MED24: variants seen among roughly 807,000 people sequenced by gnomAD.
MED24 encodes the protein mediator complex subunit 24.
A neutral mutation model predicts 118.8 loss-of-function variants in MED24; 74 were observed. The ratio of observed to expected loss-of-function variants is 0.62; its 90% CI spans 0.52 to 0.76. The LOEUF (loss-of-function observed/expected upper bound fraction) is 0.76. Among genes scored for constraint, MED24 ranks in the 30% least tolerant of loss-of-function variants. MED24 has a pLI of 0.00. For missense variants in MED24, 1,041 were observed against 1,278.9 expected (o/e 0.81, Z 2.84); for synonymous variants, 521 against 523.9 (o/e 0.99, Z 0.08).
chr17:40,020,103 G>GCCCC (rs2144849160), intron 24 of MED24, 170 bp from the exon 25 acceptor site: 2 of 745,204 alleles, frequency 2.7e-6, no homozygotes, highest in Non-Finnish European at 4.4e-6. Context: ...GGGGAGGAGG[G>GCCCC]GGAACTAGAC....
chr17:40,041,641 T>C (rs558898644), intron 3 of MED24, among the ~76,000 whole-genome samples: 1 of 152,150 alleles, frequency 6.6e-6, no homozygotes, highest in South Asian at 2.1e-4. Flanking sequence ...CCAACCCTAC[T>C]CTGCTCTTCC....
chr17:40,034,114 C>T (rs1158006270), intron 6 of MED24, among the ~76,000 whole-genome samples: 2 of 152,120 alleles, frequency 1.3e-5, no homozygotes, highest in Admixed American at 6.6e-5. Context: ...ATCCTAGTTA[C>T]AATTCCAGAG....
chr17:40,020,156 G>A, intron 24 of MED24, 117 bp downstream of exon 24: 1 of 1,116,954 alleles, frequency 9.0e-7, no homozygotes, highest in Non-Finnish European at 1.3e-6. Flanking sequence ...GGGGCATGGA[G>A]AGGGAAGGGA....
chr17:40,036,081 TC>T (rs760708401), intron 4 of MED24, 34 bp downstream of exon 4: 11 of 1,596,944 alleles, frequency 6.9e-6, no homozygotes, highest in Non-Finnish European at 2.6e-6. Context: ...TTGTCTGTCA[TC>T]CCCAATCTAG....
chr17:40,044,656 C>T (rs999696715), intron 3 of MED24, among the ~76,000 whole-genome samples: 9 of 151,874 alleles, frequency 5.9e-5, no homozygotes, highest in Non-Finnish European at 1.0e-4. Flanking sequence ...CCGAGGTGGG[C>T]GGATCACGAG....
rs775765230 is a variant in MED24, at chr17:40,022,712, G to A, written c.2365C>T (p.Pro789Ser). The A allele has an allele frequency of 2.9e-5, 46 of 1,613,844 alleles. No homozygotes were observed. Among genetic ancestry groups the A allele is most frequent in the Non-Finnish European group, 3.8e-5 (45 of 1,180,000 alleles). Reference protein sequence around the residue: ...VTLVLLGHILPGLLTDSSKWH... With the variant: ...VTLVLLGHILSGLLTDSSKWH... ...TTGGAGGAGTCAGTGAGCAGGCCAG[G>A]TAGGATGTGGCCCAGCAGGACCAGG... is the stretch of plus-strand genomic sequence containing the variant. The change falls in exon 21 of 26, where the codon CCT becomes TCT. Residue 789 changes from proline (P) to serine (S), a missense_variant. Coordinates refer to ENST00000394128, the MANE Select transcript of MED24 (RefSeq NM_014815.4).
In MED24 at chr17:40,033,067, T is replaced by TCACCATCGTCAGCTGCTC. The variant is rs763724510; in HGVS notation, c.793_810dup (p.Glu265_Val270dup). On this transcript the variant is annotated inframe_insertion, in exon 8 of 26. Coordinates refer to ENST00000394128, the MANE Select transcript of MED24 (RefSeq NM_014815.4). This position sits in a 1 kb window ranked among gnomAD's most constrained non-coding sequence, Gnocchi z 5.2. ...TCGGCCCCTCCCACCTGCATGCGCTTCACCATCGTCAGCTGCTCCACCAGG... is the reference window on the plus strand; with the variant it reads ...TCGGCCCCTCCCACCTGCATGCGCTTCACCATCGTCAGCTGCTCCACCATCGTCAGCTGCTCCACCAGG... 1.9e-6 allele frequency: 3 copies of TCACCATCGTCAGCTGCTC among 1,613,964 alleles called. No homozygotes were observed. The highest frequency in any genetic ancestry group is 4.5e-5 in the East Asian group (2 of 44,876).
chr17:40,031,450 A>G, intron 11 of MED24, 88 bp downstream of exon 11: 2 of 1,377,128 alleles, frequency 1.5e-6, no homozygotes, highest in Non-Finnish European at 1.0e-6. Context: ...AAGGAGACAG[A>G]GTCCCCTGAG....
chr17:40,019,928 G>A lies in MED24; in HGVS notation c.2710C>T (p.Leu904=), dbSNP rs998957477. ...AGGATGGAGGAGATGAGCAGGAACA[G>A]GTTGGCTGTAGAGAGTGGGGGGAGA... ...RDPLNRVLAN[L]FLLISSILGS... is the part of the protein sequence containing the mutation. Residue 904 remains leucine (L), a synonymous_variant, in exon 25 of 26, where the codon CTG becomes TTG. Transcript: ENST00000394128. 4 of 1,564,276 alleles carry A rather than the reference G, an allele frequency of 2.6e-6. No individual in the cohort carries two copies. The highest frequency in any genetic ancestry group is 1.2e-5 in the South Asian group (1 of 85,100).
At chr17:40,036,921 C>T (rs990507607) in intron 3 of MED24, among the ~76,000 whole-genome samples, 6 of 151,984 alleles carry the variant, frequency 3.9e-5, no homozygotes, top group Admixed American at 1.3e-4. Context: ...TGGTGGCTCA[C>T]GTTTGTAATC....
At chr17:40,024,738 T>C (rs548941417) in intron 19 of MED24, among the ~76,000 whole-genome samples, 6 of 152,178 alleles carry the variant, frequency 3.9e-5, no homozygotes, top group Non-Finnish European at 5.9e-5. Flanking sequence ...TTTCTTTTGT[T>C]TTTGTTTTGT....
chr17:40,025,262 C>G (rs1982509045), intron 19 of MED24, among the ~76,000 whole-genome samples: 1 of 152,148 alleles, frequency 6.6e-6, no homozygotes, highest in Admixed American at 6.5e-5. Context: ...GAGAGGATCA[C>G]TCAAGGCCAG....
At position 40,033,008 on chromosome 17, in the gene MED24, A is replaced by G. The variant is rs761358012; in HGVS notation, c.822+48T>C. 11 of 1,608,164 alleles carry G rather than the reference A, an allele frequency of 6.8e-6. No individual in the cohort carries two copies. The highest frequency in any genetic ancestry group is 6.7e-5 in the East Asian group (3 of 44,760). ...AGAAGAATCCTCCCTCCTGCCCCCA[A>G]CAGGCTGGCCTGCCTTGGAGAAGGG... On this transcript the variant is annotated intron_variant, in intron 8 of 25. Coordinates refer to ENST00000394128, the MANE Select transcript of MED24 (RefSeq NM_014815.4). The surrounding 1 kb of genome is among the most constrained non-coding windows in gnomAD (Gnocchi z 5.2).
At chr17:40,031,485 G>A in intron 11 of MED24, 53 bp downstream of exon 11, 2 of 1,526,134 alleles carry the variant, frequency 1.3e-6, no homozygotes, top group East Asian at 4.5e-5. Flanking sequence ...GAGATCAGGG[G>A]AAGAGCCCAG....
chr17:40,020,763 C>T (rs909549872), intron 23 of MED24: 8 of 323,406 alleles, frequency 2.5e-5, no homozygotes, highest in Admixed American at 4.4e-5. Flanking sequence ...GCCTGAGCAA[C>T]AGAGCAAAAC....
In MED24 at chr17:40,033,655, A is replaced by G. The variant is rs564066932; in HGVS notation, c.560-199T>C. The stretch of plus-strand genomic sequence containing the variant: ...GGGGGGTGGGCACCTAGAGCTGGAA[A>G]CCCCAGAGACCATTCCCAAAAGCCT... On this transcript the variant is annotated intron_variant, in intron 6 of 25. Coordinates refer to ENST00000394128, the MANE Select transcript of MED24 (RefSeq NM_014815.4). The surrounding 1 kb of genome is among the most constrained non-coding windows in gnomAD (Gnocchi z 5.2). The G allele has an allele frequency of 2.8e-5, 19 of 688,642 alleles. 1 individual carries two copies. The highest frequency in any genetic ancestry group is 2.7e-4 in the South Asian group (18 of 66,584). 42.7% of individuals were successfully genotyped at this position (688,642 alleles called of 1,614,324 possible).
rs1982143722 is a variant in MED24 at position 40,022,439 on chromosome 17, T to C, written c.2478A>G (p.Gly826=). 1 of 1,610,840 alleles carries C rather than the reference T, an allele frequency of 6.2e-7. No individual in the cohort carries two copies. Among genetic ancestry groups the C allele is most frequent in the African/African-American group, 1.3e-5 (1 of 74,982 alleles). Residue 826 remains glycine (G), a synonymous_variant, in exon 22 of 26, where the codon GGA becomes GGG. Coordinates refer to ENST00000394128, the MANE Select transcript of MED24 (RefSeq NM_014815.4). ...CALSSYSSHK[G]QASTRQKKRH... ...TCTTCTTCTGGCGGGTGGACGCCTG[T>C]CCCTTGTGGGAGGAGTAGGAACTGA...
chr17:40,027,404 C>CA lies in MED24; in HGVS notation c.1508dup (p.Ala504GlyfsTer18), dbSNP rs1982804196. Reference sequence around the variant, plus strand: ...TCACCTCTGAACCATAGGTCTGGGCCACATGGCACAGCATGAGGAAGGAGA... The same window carrying CA: ...TCACCTCTGAACCATAGGTCTGGGCCAACATGGCACAGCATGAGGAAGGAGA... On this transcript the variant is annotated frameshift_variant, in exon 16 of 26. Transcript: ENST00000394128. LOFTEE classifies it high-confidence loss of function. 6.2e-7 allele frequency: 1 copy of CA among 1,613,642 alleles called. No homozygotes were observed. The highest frequency in any genetic ancestry group is 1.3e-5 in the African/African-American group (1 of 74,922).
chr17:40,022,032 A>AG lies in MED24; in HGVS notation c.2545dup (p.Leu849ProfsTer16). On this transcript the variant is annotated frameshift_variant, in exon 23 of 26. Transcript: ENST00000394128. LOFTEE classifies it high-confidence loss of function. ...CAACTTCGAAGGCTGCACATCGTCC[A>AG]GGGGGAAGAGGCTGATATAATCCTA... The AG allele has an allele frequency of 6.2e-7, 1 of 1,610,716 alleles. No homozygotes were observed. Among genetic ancestry groups the AG allele is most frequent in the Non-Finnish European group, 8.5e-7 (1 of 1,178,298 alleles).
Sources: allele counts gnomAD v4.1 joint callset (sites outside exome capture counted in the v4.1 genomes callset), GRCh38; gene constraint gnomAD v4.1.1; non-coding constraint Gnocchi (gnomAD v3.1); transcripts MANE v1.5; gene names NCBI Gene and HGNC (gene_info 2026-07-23, HGNC 2026-07-21).